Variants in SYNRG observed in about 807,000 individuals in gnomAD.
The protein encoded by SYNRG is synergin gamma.
In SYNRG, 37 loss-of-function variants were observed where a neutral mutation model predicts 130.9. The observed-to-expected ratio is 0.28, with a 90% CI of 0.22 to 0.37. The LOEUF is 0.37. SYNRG is among the 10% of genes least tolerant of loss of function. The probability of loss-of-function intolerance (pLI) is 1.00; values close to 1 mark genes in which losing one functional copy is unlikely to be tolerated. For missense variants in SYNRG, 1,338 were observed against 1,588.9 expected, an observed-to-expected ratio of 0.84 and a Z score of 2.68; for synonymous variants, 539 against 568.1, an observed-to-expected ratio of 0.95 and a Z score of 0.73.
Position 37,515,187 on chromosome 17 carries a change from T to C in SYNRG, c.*3753A>G, listed in dbSNP as rs2054332022. Reference sequence around the variant, plus strand: ...AAAAGTATTTGTAAAGTGGCATTTTTCCCCCAAGAGCTGTTTCACTTAAGC... The same window carrying C: ...AAAAGTATTTGTAAAGTGGCATTTTCCCCCCAAGAGCTGTTTCACTTAAGC... On this transcript the variant is annotated 3_prime_UTR_variant, in exon 22 of 22. Transcript: ENST00000612223. 6.6e-6 allele frequency: 1 copy of C among 152,172 alleles called. No individual in the cohort carries two copies. 9.4% of individuals were successfully genotyped at this position (152,172 alleles called of 1,614,324 possible).
In SYNRG at chr17:37,518,758, G is replaced by A; in HGVS notation, c.*182C>T. 1 of 699,332 alleles carries A rather than the reference G, an allele frequency of 1.4e-6. No homozygotes were observed. The highest frequency in any genetic ancestry group is 2.2e-6 in the Non-Finnish European group (1 of 444,472). The allele number at this position is 699,332 out of a possible 1,614,324, so 43.3% of individuals were successfully genotyped here. ...CTGGTGCCACGTGCAGTTTGGGTGGGACAATTTTACCTGAAGTCCTGCAGA... is the reference window on the plus strand; with the variant it reads ...CTGGTGCCACGTGCAGTTTGGGTGGAACAATTTTACCTGAAGTCCTGCAGA... On this transcript the variant is annotated 3_prime_UTR_variant, in exon 22 of 22. Coordinates refer to ENST00000612223, the MANE Select transcript of SYNRG (RefSeq NM_007247.6).
At chr17:37,523,800 A>G (rs17138657) in intron 19 of SYNRG, among the ~76,000 whole-genome samples, 1,978 of 152,286 alleles carry the variant, frequency 0.013, 40 homozygotes, top group African/African-American at 0.045. Flanking sequence ...GTTTGGTCTA[A>G]TGAGTATGAC....
intron 19 of SYNRG, among the ~76,000 whole-genome samples, chr17:37,532,619 G>A (rs2056748396): frequency 7.1e-6 from 1 of 140,654 alleles, no homozygotes; most frequent in Admixed American, 7.7e-5. Flanking sequence ...GTTGCAGTGA[G>A]CCGAGATTGC....
At chr17:37,593,258 C>T (rs1397930039) in intron 3 of SYNRG, among the ~76,000 whole-genome samples, 1 of 151,980 alleles carries the variant, frequency 6.6e-6, no homozygotes, top group Non-Finnish European at 1.5e-5. Flanking sequence ...ACTAAAAATA[C>T]AAAAATGAGC....
intron 19 of SYNRG, chr17:37,529,737 C>T: frequency 6.5e-7 from 1 of 1,528,858 alleles, no homozygotes; most frequent in Non-Finnish European, 8.9e-7. Flanking sequence ...CTTATCCTTT[C>T]CCCCAAATTC....
In SYNRG at chr17:37,570,842, G is replaced by A. The variant is rs1021853509; in HGVS notation, c.1142C>T (p.Pro381Leu). 2.5e-6 allele frequency: 4 copies of A among 1,614,196 alleles called. No homozygotes were observed. In the African/African-American group the frequency reaches 4.0e-5, roughly 16 times the overall value. Residue 381 changes from proline to leucine, a missense_variant, in exon 10 of 22, where the codon CCA becomes CTA. By Grantham distance (98) the Pro-to-Leu change is moderately conservative. This residue lies in a region of SYNRG where 1,146 missense variants were observed against 1,342.3 expected (regional missense o/e 0.85). Coordinates refer to ENST00000612223, the MANE Select transcript of SYNRG (RefSeq NM_007247.6). ...ACTTAAAGTTGGAATAGGAGCTGCT[G>A]GGAACTGGTTTAAAGCATCAGGACT... ...AMSPDALNQFPAAPIPTLSGF... is the reference protein window; with the variant it reads ...AMSPDALNQFLAAPIPTLSGF...
chr17:37,518,829 A>G lies in SYNRG; in HGVS notation c.*111T>C, dbSNP rs972475314. On this transcript the variant is annotated 3_prime_UTR_variant, in exon 22 of 22. Coordinates refer to ENST00000612223, the MANE Select transcript of SYNRG (RefSeq NM_007247.6). ...GGCCCCGTCCCTTGCGGTGTTCTTC[A>G]TATCGATTCAGGGAAGCGAACTGTG... The G allele has an allele frequency of 6.1e-6, 9 of 1,465,494 alleles. No individual in the cohort carries two copies. Among genetic ancestry groups the G allele is most frequent in the South Asian group, 2.8e-5 (2 of 72,522 alleles). 90.8% of individuals were successfully genotyped at this position (1,465,494 alleles called of 1,614,324 possible).
intron 3 of SYNRG, among the ~76,000 whole-genome samples, chr17:37,587,497 G>A (rs192230972): frequency 6.6e-6 from 1 of 152,228 alleles, no homozygotes; most frequent in Admixed American, 6.5e-5. Context: ...TCCTGTAAGT[G>A]GGGAATATTC....
At chr17:37,577,686 C>T (rs2060949653) in intron 6 of SYNRG, 73 bp from the exon 7 acceptor site, 4 of 1,156,146 alleles carry the variant, frequency 3.5e-6, no homozygotes, top group Non-Finnish European at 4.9e-6. Flanking sequence ...CCATCTCCAC[C>T]CCCATATTCT....
At chr17:37,521,281 C>T (rs1304674420) in intron 19 of SYNRG, among the ~76,000 whole-genome samples, 1 of 152,114 alleles carries the variant, frequency 6.6e-6, no homozygotes. Context: ...CCACCCGCCT[C>T]AGCCTCCCAA....
At chr17:37,528,540 A>C (rs1322570582) in intron 19 of SYNRG, among the ~76,000 whole-genome samples, 4 of 152,208 alleles carry the variant, frequency 2.6e-5, no homozygotes, top group African/African-American at 9.7e-5. Context: ...TTAGGAAGTC[A>C]TTTACCTGAA....
intron 6 of SYNRG, among the ~76,000 whole-genome samples, chr17:37,579,699 A>C (rs2061134619): frequency 6.6e-6 from 1 of 152,180 alleles, no homozygotes; most frequent in South Asian, 2.1e-4. Flanking sequence ...AACTAAAAAT[A>C]CATGTATCTA....
intron 17 of SYNRG, chr17:37,538,932 T>C: frequency 1.5e-6 from 1 of 677,294 alleles, no homozygotes; most frequent in South Asian, 6.6e-5. Context: ...TTTGATTTAG[T>C]CAGAGTTAAT....
At chr17:37,565,964 G>T (rs1446874386) in intron 11 of SYNRG, among the ~76,000 whole-genome samples, 1 of 150,444 alleles carries the variant, frequency 6.6e-6, no homozygotes, top group Non-Finnish European at 1.5e-5. Flanking sequence ...AGGGAGGTGG[G>T]GGGGTCAGCC....
intron 20 of SYNRG, 133 bp from the exon 21 acceptor site, chr17:37,520,347 C>T (rs950563372): frequency 3.3e-5 from 41 of 1,231,452 alleles, no homozygotes; most frequent in Non-Finnish European, 4.7e-5. Context: ...GCATGAGAGC[C>T]GCGTCCATTC....
At chr17:37,597,533 A>G (rs961533376) in intron 2 of SYNRG, among the ~76,000 whole-genome samples, 35 of 152,198 alleles carry the variant, frequency 2.3e-4, no homozygotes, top group Non-Finnish European at 4.1e-4. Flanking sequence ...CATTTGTAAA[A>G]CTGTTTAATA....
chr17:37,583,350 C>T (rs1441007913), intron 6 of SYNRG, among the ~76,000 whole-genome samples: 1 of 151,966 alleles, frequency 6.6e-6, no homozygotes, highest in Admixed American at 6.6e-5. Context: ...ATATGTTTTT[C>T]CTTTCTAATC....
At chr17:37,601,350 T>A (rs2063263656) in intron 1 of SYNRG, among the ~76,000 whole-genome samples, 1 of 152,204 alleles carries the variant, frequency 6.6e-6, no homozygotes, top group Non-Finnish European at 1.5e-5. Flanking sequence ...ATTACAGGTG[T>A]GAGCCACCGC....
Position 37,553,593 on chromosome 17 carries a change from G to A in SYNRG, c.2130C>T (p.Asp710=). The change falls in exon 14 of 22, where the codon GAC becomes GAT. Residue 710 remains aspartate, a synonymous_variant. Transcript: ENST00000612223. ...SSISSEQKPD[D]KYDALKEEAS... is the part of the protein sequence containing the mutation. ...CTTCCTCTTTAAGGGCATCATATTTGTCATCCGGCTTTTGCTCAGATGAAA... is the reference window on the plus strand; with the variant it reads ...CTTCCTCTTTAAGGGCATCATATTTATCATCCGGCTTTTGCTCAGATGAAA... The A allele has an allele frequency of 6.2e-7, 1 of 1,614,036 alleles. No individual in the cohort carries two copies. Among genetic ancestry groups the A allele is most frequent in the Non-Finnish European group, 8.5e-7 (1 of 1,180,018 alleles).
Sources: allele counts gnomAD v4.1 joint callset (sites outside exome capture counted in the v4.1 genomes callset), GRCh38; gene constraint gnomAD v4.1.1; regional missense constraint gnomAD v4.1.1; transcripts MANE v1.5; gene names NCBI Gene and HGNC (gene_info 2026-07-23, HGNC 2026-07-21).